Variants in NTNG1 observed in about 807,000 individuals in gnomAD.
NTNG1 encodes the protein netrin G1, also known as netrin-G1.
A neutral mutation model predicts 54.0 loss-of-function variants in NTNG1; 16 were observed. That is an observed-to-expected ratio of 0.30 (90% CI 0.20 to 0.45). The LOEUF is 0.45. Ranked by LOEUF, NTNG1 falls within the 20% of genes least tolerant of loss-of-function variation. NTNG1 has a pLI of 1.00. For synonymous variants in NTNG1, 255 were observed against 263.1 expected (o/e 0.97, Z 0.30); for missense variants, 530 against 678.7 (o/e 0.78, Z 2.43).
intron 2 of NTNG1, among the ~76,000 whole-genome samples, chr1:107,163,497 C>T (rs948661612): frequency 1.3e-5 from 2 of 152,064 alleles, no homozygotes; most frequent in Non-Finnish European, 2.9e-5. Context: ...GAAGGTTTTC[C>T]TATTAGTTTC....
chr1:107,156,132 T>C (rs954997183), intron 2 of NTNG1, among the ~76,000 whole-genome samples: 7 of 152,224 alleles, frequency 4.6e-5, no homozygotes, highest in Non-Finnish European at 1.0e-4. Context: ...CACGTGACTG[T>C]ATTTGATTAC....
intron 2 of NTNG1, among the ~76,000 whole-genome samples, chr1:107,171,486 G>T (rs551715649): frequency 6.6e-6 from 1 of 152,186 alleles, no homozygotes; most frequent in African/African-American, 2.4e-5. Flanking sequence ...TGAGATTCAA[G>T]TTTTTCTCTC....
intron 3 of NTNG1, among the ~76,000 whole-genome samples, chr1:107,325,185 C>G (rs1395291308): frequency 6.6e-6 from 1 of 152,050 alleles, no homozygotes; most frequent in East Asian, 1.9e-4. Flanking sequence ...CTCCCTGAGT[C>G]GGGAGGTCCT....
chr1:107,367,226 A>G lies in NTNG1; in HGVS notation c.888-27928A>G, dbSNP rs181999136. Among the ~76,000 whole-genome samples the G allele has an allele frequency of 2.4e-3, 358 of 152,304 alleles. 3 individuals are homozygous for G. The highest frequency in any genetic ancestry group is 8.4e-3 in the African/African-American group (348 of 41,568). On this transcript the variant is annotated intron_variant, in intron 3 of 7. Transcript: ENST00000370068. ...ACTTAGGCTTGGCCATTTTAAACCCATGCCTGCCCCAAAGAAGAAGTACAG... is the reference window on the plus strand; with the variant it reads ...ACTTAGGCTTGGCCATTTTAAACCCGTGCCTGCCCCAAAGAAGAAGTACAG...
intron 3 of NTNG1, among the ~76,000 whole-genome samples, chr1:107,356,511 G>T (rs2100926003): frequency 6.6e-6 from 1 of 152,126 alleles, no homozygotes; most frequent in East Asian, 2.0e-4. Context: ...CCAGGCTGGT[G>T]TCGAACTCCT....
intron 2 of NTNG1, among the ~76,000 whole-genome samples, chr1:107,201,012 G>T (rs767321465): frequency 6.6e-6 from 1 of 151,600 alleles, no homozygotes; most frequent in African/African-American, 2.4e-5. Context: ...GCAACACAAC[G>T]CAATTTTGGG....
intron 2 of NTNG1, among the ~76,000 whole-genome samples, chr1:107,154,459 G>A (rs1448477782): frequency 2.0e-5 from 3 of 151,586 alleles, no homozygotes; most frequent in Non-Finnish European, 4.4e-5. Context: ...AGCCAGACAA[G>A]GTGACATGCG....
chr1:107,454,667 G>A (rs1432367704), intron 7 of NTNG1, among the ~76,000 whole-genome samples: 1 of 152,122 alleles, frequency 6.6e-6, no homozygotes, highest in African/African-American at 2.4e-5. Flanking sequence ...CCCAAAGGAG[G>A]AAATAGCATG....
chr1:107,180,008 A>C (rs1656950855), intron 2 of NTNG1, among the ~76,000 whole-genome samples: 2 of 152,112 alleles, frequency 1.3e-5, no homozygotes, highest in Admixed American at 6.6e-5. Context: ...AAATTTGCCC[A>C]ATTAACTCAA....
chr1:107,162,023 T>A (rs11805251), intron 2 of NTNG1, among the ~76,000 whole-genome samples: 5,573 of 152,212 alleles, frequency 0.037, 334 homozygotes, highest in African/African-American at 0.13. Context: ...ATCATGTTAA[T>A]ACTATATATA....
intron 4 of NTNG1, among the ~76,000 whole-genome samples, chr1:107,400,435 C>T (rs1672948029): frequency 6.6e-6 from 1 of 152,024 alleles, no homozygotes; most frequent in African/African-American, 2.4e-5. Flanking sequence ...TTTAAATCCC[C>T]ACAATATCCC....
intron 6 of NTNG1, among the ~76,000 whole-genome samples, chr1:107,433,941 G>A (rs187643693): frequency 1.3e-5 from 2 of 152,280 alleles, no homozygotes; most frequent in East Asian, 1.9e-4. Flanking sequence ...AGGGCTTGCG[G>A]CAGGACTGTT....
intron 2 of NTNG1, among the ~76,000 whole-genome samples, chr1:107,163,227 C>G (rs1168101185): frequency 6.6e-6 from 1 of 152,070 alleles, no homozygotes; most frequent in African/African-American, 2.4e-5. Flanking sequence ...TCTGAAGTGC[C>G]ATGTCTAACA....
chr1:107,174,557 G>A (rs1377353520), intron 2 of NTNG1, among the ~76,000 whole-genome samples: 1 of 151,692 alleles, frequency 6.6e-6, no homozygotes, highest in African/African-American at 2.4e-5. Context: ...GACTTCCAAA[G>A]TGCTCCCATA....
At chr1:107,469,734 G>A (rs140689945) in intron 7 of NTNG1, among the ~76,000 whole-genome samples, 82 of 152,272 alleles carry the variant, frequency 5.4e-4, no homozygotes, top group African/African-American at 1.8e-3. Flanking sequence ...GATTACAGGC[G>A]TGAGCCACCA....
chr1:107,360,241 A>C (rs758733189), intron 3 of NTNG1, among the ~76,000 whole-genome samples: 8 of 152,228 alleles, frequency 5.3e-5, no homozygotes, highest in Non-Finnish European at 1.2e-4. Context: ...GCAGTGATAT[A>C]TACCATGAAG....
At chr1:107,364,875 G>C (rs528459457) in intron 3 of NTNG1, among the ~76,000 whole-genome samples, 97 of 152,104 alleles carry the variant, frequency 6.4e-4, no homozygotes, top group Admixed American at 3.0e-3. Context: ...CATAATTGTT[G>C]ATCTACCTTT....
At chr1:107,410,632 C>T (rs1673735597) in intron 5 of NTNG1, 2 of 151,862 alleles carry the variant, frequency 1.3e-5, no homozygotes, top group South Asian at 2.1e-4. Context: ...GTAGGAATTC[C>T]TTCAGATTGC....
chr1:107,146,892 T>C (rs1654162525), intron 1 of NTNG1, among the ~76,000 whole-genome samples: 1 of 152,112 alleles, frequency 6.6e-6, no homozygotes, highest in African/African-American at 2.4e-5. Context: ...TGTTTGAAGA[T>C]AGTGAACTTC....
Sources: allele counts gnomAD v4.1 joint callset (sites outside exome capture counted in the v4.1 genomes callset), GRCh38; gene constraint gnomAD v4.1.1; transcripts MANE v1.5; gene names NCBI Gene and HGNC (gene_info 2026-07-23, HGNC 2026-07-21).